The following KALRN variants were observed in gnomAD, a reference collection of about 807,000 sequenced individuals.
KALRN encodes the protein kalirin.
Under a neutral mutation model 353.7 loss-of-function variants are expected in KALRN, and 70 were observed. The observed-to-expected ratio is 0.20, with a 90% confidence interval of 0.16 to 0.24. KALRN has a LOEUF of 0.24. Among genes scored for constraint, KALRN ranks in the 10% least tolerant of loss-of-function variants. The pLI, the probability that KALRN is intolerant of heterozygous loss-of-function variation, is 1.00. For synonymous variants in KALRN, 1,391 were observed against 1,434.8 expected, an observed-to-expected ratio of 0.97 and a Z score of 0.69; for missense variants, 2,791 against 3,756.7, an observed-to-expected ratio of 0.74 and a Z score of 6.72.
chr3:124,460,810 G>A (rs1273570563), intron 23 of KALRN, among the ~76,000 whole-genome samples: 7 of 152,122 alleles, frequency 4.6e-5, no homozygotes, highest in African/African-American at 7.2e-5. Context: ...ATACCACAAC[G>A]AGGCCATGTA....
intron 33 of KALRN, among the ~76,000 whole-genome samples, chr3:124,529,487 G>A (rs2067864091): frequency 6.6e-6 from 1 of 152,036 alleles, no homozygotes; most frequent in Non-Finnish European, 1.5e-5. Context: ...CAGAATCGAG[G>A]GCCAGGGTCG....
At chr3:124,644,829 T>C (rs2082503874) in intron 37 of KALRN, among the ~76,000 whole-genome samples, 1 of 152,240 alleles carries the variant, frequency 6.6e-6, no homozygotes, top group African/African-American at 2.4e-5. Context: ...TGTAATCCTT[T>C]GGGTATATAC....
intron 5 of KALRN, among the ~76,000 whole-genome samples, chr3:124,277,291 T>A (rs1317116780): frequency 6.6e-6 from 1 of 152,146 alleles, no homozygotes; most frequent in Non-Finnish European, 1.5e-5. Context: ...AATTTCCTGC[T>A]TTTTTTGGAG....
chr3:124,144,699 C>T (rs1020762000), intron 1 of KALRN, among the ~76,000 whole-genome samples: 12 of 151,646 alleles, frequency 7.9e-5, no homozygotes, highest in African/African-American at 2.9e-4. Context: ...CTTCTGGTTG[C>T]CATTTCTCAT....
At chr3:124,653,699 C>T (rs1336347860) in intron 38 of KALRN, among the ~76,000 whole-genome samples, 1 of 152,242 alleles carries the variant, frequency 6.6e-6, no homozygotes, top group East Asian at 1.9e-4. Context: ...CCAGCCATTC[C>T]CTATCCCTGT....
In KALRN at chr3:124,671,745, C is replaced by A. The variant is rs1396235480; in HGVS notation, c.6789C>A (p.Ser2263Arg). The change falls in exon 48 of 60, where the codon AGC becomes AGA. Residue 2263 changes from serine to arginine, a missense_variant. Around this residue, in one of 11 missense-constraint regions of KALRN, gnomAD observed 1,065 missense variants for 1,156.4 expected, o/e 0.92. Coordinates refer to ENST00000682506, the MANE Select transcript of KALRN (RefSeq NM_001388419.1). ...RSQPARLPQA[S>R]PRPYSSVPAG... is the part of the protein sequence containing the mutation. ...AACCTGCCAGGCTTCCCCAAGCCAG[C>A]CCCAGGCCCTACTCCTCTGTTCCTG... 7 of 1,613,982 alleles carry A rather than the reference C, an allele frequency of 4.3e-6. No homozygotes were observed. Among genetic ancestry groups the A allele is most frequent in the Admixed American group, 3.3e-5 (2 of 60,002 alleles).
chr3:124,545,393 T>C (rs1181994050), intron 33 of KALRN, among the ~76,000 whole-genome samples: 4 of 152,228 alleles, frequency 2.6e-5, no homozygotes, highest in African/African-American at 9.6e-5. Flanking sequence ...AGGGAATGAA[T>C]CATAAATTTA....
At chr3:124,645,240 TG>T (rs1473773237) in intron 37 of KALRN, among the ~76,000 whole-genome samples, 2 of 152,290 alleles carry the variant, frequency 1.3e-5, no homozygotes, top group East Asian at 3.9e-4. Flanking sequence ...CTTTGTCAGA[TG>T]GATAGATTGC....
intron 1 of KALRN, among the ~76,000 whole-genome samples, chr3:124,134,942 T>C (rs2149726723): frequency 6.6e-6 from 1 of 152,340 alleles, no homozygotes; most frequent in East Asian, 1.9e-4. Flanking sequence ...TGTAAACTAG[T>C]ACAGCCACTG....
rs1012787030 is a variant in KALRN, at chr3:124,477,319, G to A, written c.4176G>A (p.Ala1392=). 4 of 1,612,904 alleles carry A rather than the reference G, an allele frequency of 2.5e-6. No individual in the cohort carries two copies. The highest frequency in any genetic ancestry group is 1.7e-5 in the Admixed American group (1 of 59,986). The change falls in exon 27 of 60, where the codon GCG becomes GCA. Residue 1392 remains alanine, a synonymous_variant. Transcript: ENST00000682506. Reference sequence around the variant, plus strand: ...CCAACCAGCTTATCCTGGAGCATGCGGGCACCTTCTTTGATGTAAGCTGTG... The same window carrying A: ...CCAACCAGCTTATCCTGGAGCATGCAGGCACCTTCTTTGATGTAAGCTGTG... ...PDSNQLILEH[A]GTFFDEIQQR...
chr3:124,343,903 C>T (rs2082016213), intron 9 of KALRN, among the ~76,000 whole-genome samples: 1 of 152,160 alleles, frequency 6.6e-6, no homozygotes, highest in South Asian at 2.1e-4. Context: ...GACACTGTGG[C>T]ACAATAAGAC....
intron 32 of KALRN, among the ~76,000 whole-genome samples, chr3:124,493,407 A>C (rs1468604819): frequency 6.6e-6 from 1 of 152,116 alleles, no homozygotes; most frequent in African/African-American, 2.4e-5. Flanking sequence ...CATTGGGCAG[A>C]AGAGGACTTA....
intron 33 of KALRN, chr3:124,519,447 T>C (rs1295938096): frequency 5.1e-6 from 5 of 985,230 alleles, no homozygotes; most frequent in Admixed American, 1.2e-4. Context: ...CCATTTCATA[T>C]ATACACTCAT....
At chr3:124,654,258 G>A (rs1197415849) in intron 38 of KALRN, among the ~76,000 whole-genome samples, 1 of 152,228 alleles carries the variant, frequency 6.6e-6, no homozygotes, top group Non-Finnish European at 1.5e-5. Context: ...CTGTGCTGGA[G>A]AGGGAGCTGT....
intron 34 of KALRN, among the ~76,000 whole-genome samples, chr3:124,577,069 T>C (rs1012766603): frequency 1.3e-5 from 2 of 152,164 alleles, no homozygotes; most frequent in African/African-American, 4.8e-5. Context: ...CCTGTCCTTG[T>C]TGCCAGCAGT....
chr3:124,054,752 G>C (rs1417601715), intron 1 of KALRN, among the ~76,000 whole-genome samples: 4 of 152,196 alleles, frequency 2.6e-5, no homozygotes, highest in African/African-American at 9.7e-5. Context: ...TCGGCAGTAG[G>C]AGCTTTGTGA....
At chr3:124,349,071 A>G (rs917999488) in intron 10 of KALRN, among the ~76,000 whole-genome samples, 15 of 152,160 alleles carry the variant, frequency 9.9e-5, no homozygotes, top group Non-Finnish European at 4.4e-5. Flanking sequence ...GGTGGAAGCA[A>G]CTCCAATGTC....
At chr3:124,152,206 T>G in intron 1 of KALRN, 2 of 1,582,738 alleles carry the variant, frequency 1.3e-6, no homozygotes, top group Non-Finnish European at 1.7e-6. Flanking sequence ...TCGCTTCTTA[T>G]TGATTTTGCC....
In KALRN at chr3:124,462,017, A is replaced by G; in HGVS notation, c.3921+61A>G. ...GAAAAATGACATCCTTGCCAGCATC[A>G]AGTCCTCAATTGGAATTTGGTGCTA... On this transcript the variant is annotated intron_variant, in intron 24 of 59. Coordinates refer to ENST00000682506, the MANE Select transcript of KALRN (RefSeq NM_001388419.1). 2.4e-6 allele frequency: 3 copies of G among 1,276,000 alleles called. No individual in the cohort carries two copies. In the Admixed American group the frequency reaches 5.2e-5, roughly 22 times the overall value. 79.0% of individuals were successfully genotyped at this position (1,276,000 alleles called of 1,614,324 possible).
Sources: allele counts gnomAD v4.1 joint callset (sites outside exome capture counted in the v4.1 genomes callset), GRCh38; gene constraint gnomAD v4.1.1; regional missense constraint gnomAD v4.1.1; transcripts MANE v1.5; gene names NCBI Gene and HGNC (gene_info 2026-07-23, HGNC 2026-07-21).